The following FAM78B variants were observed in gnomAD, a reference collection of about 807,000 sequenced individuals.
FAM78B encodes the protein family with sequence similarity 78 member B.
In FAM78B, 10 loss-of-function variants were observed where a neutral mutation model predicts 20.0. That is an observed-to-expected ratio of 0.50 (90% CI 0.31 to 0.85). The LOEUF (loss-of-function observed/expected upper bound fraction) is 0.85, where lower values mean the gene tolerates loss of function less well. Among genes scored for constraint, FAM78B ranks in the 40% least tolerant of loss-of-function variants. FAM78B has a pLI of 0.05. For missense variants in FAM78B, 283 were observed against 345.0 expected (o/e 0.82, Z 1.42); for synonymous variants, 135 against 132.8 (o/e 1.02, Z -0.12).
intron 1 of FAM78B, among the ~76,000 whole-genome samples, chr1:166,152,377 G>A (rs80036045): frequency 2.0e-5 from 3 of 152,288 alleles, no homozygotes; most frequent in East Asian, 1.9e-4. Flanking sequence ...TGGTCTTGTC[G>A]TGAGAAACTA....
intron 1 of FAM78B, among the ~76,000 whole-genome samples, chr1:166,164,167 T>C (rs1365455169): frequency 1.3e-5 from 2 of 152,244 alleles, no homozygotes; most frequent in South Asian, 2.1e-4. Context: ...CAACAGAGAG[T>C]TCCGCTGTGC....
intron 1 of FAM78B, among the ~76,000 whole-genome samples, chr1:166,153,623 G>A (rs187154082): frequency 5.5e-4 from 84 of 152,278 alleles, no homozygotes; most frequent in African/African-American, 2.0e-3. Context: ...GAGGGTAGAA[G>A]CCTGGTCCCA....
chr1:166,158,405 G>A (rs1028573990), intron 1 of FAM78B, among the ~76,000 whole-genome samples: 2 of 151,984 alleles, frequency 1.3e-5, no homozygotes, highest in Non-Finnish European at 1.5e-5. Flanking sequence ...CTCCTGGCAC[G>A]GCTCCTTGCT....
rs1415294130 is a variant in FAM78B at position 166,124,020 on chromosome 1, C to T, written c.263+41966G>A. On this transcript the variant is annotated intron_variant, in intron 1 of 1. Transcript: ENST00000354422. ...GCAGAAGCCAGGAGAAGGTGCTGAACTGATGAGGACAAAAGCCCCTCATGA... is the reference window on the plus strand; with the variant it reads ...GCAGAAGCCAGGAGAAGGTGCTGAATTGATGAGGACAAAAGCCCCTCATGA... 6.6e-5 allele frequency among the ~76,000 whole-genome samples: 10 copies of T among 152,334 alleles called. No homozygotes were observed. The East Asian group carries it at 1.9e-3, about 29-fold the overall frequency.
intron 1 of FAM78B, among the ~76,000 whole-genome samples, chr1:166,158,370 G>C (rs990525610): frequency 1.3e-5 from 2 of 152,192 alleles, no homozygotes; most frequent in African/African-American, 4.8e-5. Context: ...AAAAGAACCA[G>C]AGTAGTCAGA....
intron 1 of FAM78B, among the ~76,000 whole-genome samples, chr1:166,131,457 T>TAAAGGAGAGC (rs1419617616): frequency 6.6e-6 from 1 of 152,072 alleles, no homozygotes; most frequent in East Asian, 1.9e-4. Context: ...CAGAGGGGGT[T>TAAAGGAGAGC]AAAGGAGAGC....
chr1:166,134,432 G>A lies in FAM78B; in HGVS notation c.263+31554C>T, dbSNP rs967582697. 2.0e-5 allele frequency among the ~76,000 whole-genome samples: 3 copies of A among 152,110 alleles called. No individual in the cohort carries two copies. The East Asian group carries it at 5.8e-4, about 29-fold the overall frequency. Reference sequence around the variant, plus strand: ...GCTCAGGTTTCCCATCTTATGGTTGGGCTGAGTACCCCCTAGCTTTTCCAA... The same window carrying A: ...GCTCAGGTTTCCCATCTTATGGTTGAGCTGAGTACCCCCTAGCTTTTCCAA... On this transcript the variant is annotated intron_variant, in intron 1 of 1. Transcript: ENST00000354422.
chr1:166,129,340 G>C (rs535299600), intron 1 of FAM78B, among the ~76,000 whole-genome samples: 1 of 152,364 alleles, frequency 6.6e-6, no homozygotes, highest in East Asian at 1.9e-4. Flanking sequence ...CTTTGCACAG[G>C]AACCAAAGCC....
At chr1:166,120,232 A>G (rs1337473784) in intron 1 of FAM78B, among the ~76,000 whole-genome samples, 1 of 152,192 alleles carries the variant, frequency 6.6e-6, no homozygotes, top group Non-Finnish European at 1.5e-5. Flanking sequence ...TATTTTCCTC[A>G]TTTTATACAC....
chr1:166,101,379 T>A (rs1653507658), intron 1 of FAM78B, among the ~76,000 whole-genome samples: 1 of 151,960 alleles, frequency 6.6e-6, no homozygotes, highest in Non-Finnish European at 1.5e-5. Flanking sequence ...CTTCAGACAA[T>A]CAAACTTCTC....
Position 166,070,586 on chromosome 1 carries a change from T to C in FAM78B, c.441A>G (p.Thr147=). Residue 147 remains threonine, a synonymous_variant, in exon 2 of 2, where the codon ACA becomes ACG. Coordinates refer to ENST00000354422, the MANE Select transcript of FAM78B (RefSeq NM_001017961.5). ...TGCTGTCACTCACAGGCACTGCCCA[T>C]GTCACACTGGGGTAGAAGTTGTCAT... The part of the protein sequence containing the change: ...SMNDNFYPSV[T]WAVPVSDSNV... 1 of 1,613,840 alleles carries C rather than the reference T, an allele frequency of 6.2e-7. No individual in the cohort carries two copies. Among genetic ancestry groups the C allele is most frequent in the Non-Finnish European group, 8.5e-7 (1 of 1,180,000 alleles).
At chr1:166,151,426 T>A (rs1169910057) in intron 1 of FAM78B, among the ~76,000 whole-genome samples, 1 of 152,176 alleles carries the variant, frequency 6.6e-6, no homozygotes, top group Non-Finnish European at 1.5e-5. Flanking sequence ...AAGCACCAGA[T>A]GTTGAAGGTA....
chr1:166,077,932 TA>T lies in FAM78B; in HGVS notation c.264-7170del, dbSNP rs1275879325. Among the ~76,000 whole-genome samples the T allele has an allele frequency of 3.0e-3, 54 of 17,970 alleles. 7 individuals are homozygous for T. The East Asian group carries it at 0.06, about 20-fold the overall frequency. 11.8% of individuals were successfully genotyped at this position (17,970 alleles called of 152,430 possible). A position where few individuals can be genotyped will look rare whatever the true frequency, so the allele number is the denominator to read the frequency against. On this transcript the variant is annotated intron_variant, in intron 1 of 1. Coordinates refer to ENST00000354422, the MANE Select transcript of FAM78B (RefSeq NM_001017961.5). Reference sequence around the variant, plus strand: ...TATAATTATATATATAATAAATATATAATAATATATATAATTTATATATATA... The same window carrying T: ...TATAATTATATATATAATAAATATATATAATATATATAATTTATATATATA...
intron 1 of FAM78B, among the ~76,000 whole-genome samples, chr1:166,089,162 G>A (rs1040496457): frequency 6.6e-6 from 1 of 152,282 alleles, no homozygotes; most frequent in East Asian, 1.9e-4. Flanking sequence ...CCTGATCCAT[G>A]CACCACCTCC....
chr1:166,109,910 A>ATATATATG (rs1653981973), intron 1 of FAM78B, among the ~76,000 whole-genome samples: 3 of 108,442 alleles, frequency 2.8e-5, no homozygotes, highest in Non-Finnish European at 5.9e-5. Context: ...ATATATATAT[A>ATATATATG]TATATATATA....
intron 2 of FAM78B, among the ~76,000 whole-genome samples, chr1:166,063,076 C>T (rs1000513870): frequency 6.6e-5 from 10 of 152,350 alleles, no homozygotes; most frequent in African/African-American, 2.2e-4. Context: ...TATCTCCTTA[C>T]AGGCACACTG....
intron 1 of FAM78B, among the ~76,000 whole-genome samples, chr1:166,111,956 A>C (rs925507757): frequency 2.0e-5 from 3 of 152,202 alleles, no homozygotes; most frequent in East Asian, 1.9e-4. Flanking sequence ...GAGTTCAGTT[A>C]AGTTGTGTGA....
downstream of FAM78B, among the ~76,000 whole-genome samples, chr1:166,068,646 G>A (rs556395786): frequency 1.3e-3 from 202 of 152,294 alleles, no homozygotes; most frequent in Non-Finnish European, 2.2e-3. Flanking sequence ...GCTCTTTGGA[G>A]CCAACCATGA....
intron 1 of FAM78B, among the ~76,000 whole-genome samples, chr1:166,149,821 T>G (rs1022354213): frequency 6.6e-6 from 1 of 152,002 alleles, no homozygotes; most frequent in Non-Finnish European, 1.5e-5. Flanking sequence ...GCCTGCTGAG[T>G]GCAGGGTGAT....
Sources: allele counts gnomAD v4.1 joint callset (sites outside exome capture counted in the v4.1 genomes callset), GRCh38; gene constraint gnomAD v4.1.1; transcripts MANE v1.5; gene names NCBI Gene and HGNC (gene_info 2026-07-23, HGNC 2026-07-21).